Variants in TAF8 observed in about 807,000 individuals in gnomAD.
TAF8 encodes the protein TATA-box binding protein associated factor 8.
Under a neutral mutation model 36.5 loss-of-function variants are expected in TAF8, and 47 were observed. The observed-to-expected ratio is 1.29, with a 90% CI of 1.02 to 1.64. TAF8 has a LOEUF of 1.64. Among genes scored for constraint, TAF8 ranks in the 40% most tolerant of loss-of-function variants. The probability of loss-of-function intolerance (pLI) is 0.00; values close to 1 mark genes in which losing one functional copy is unlikely to be tolerated. For synonymous variants in TAF8, 175 were observed against 159.5 expected (o/e 1.10, Z -0.73); for missense variants, 420 against 407.6 (o/e 1.03, Z -0.26).
chr6:42,071,941 T>C (rs1765594322), intron 7 of TAF8, among the ~76,000 whole-genome samples: 1 of 152,162 alleles, frequency 6.6e-6, no homozygotes, highest in African/African-American at 2.4e-5. Context: ...CTGAGGACTC[T>C]TGAATACCAT....
chr6:42,057,347 G>C (rs1765028893), intron 4 of TAF8, 42 bp from the exon 5 acceptor site: 1 of 1,613,422 alleles, frequency 6.2e-7, no homozygotes. Flanking sequence ...GTAGAAATCA[G>C]GGTCTTGGGT....
In TAF8 at chr6:42,055,583, G is replaced by T; in HGVS notation, c.255G>T (p.Arg85Ser). 6.2e-7 allele frequency: 1 copy of T among 1,614,186 alleles called. No individual in the cohort carries two copies. The highest frequency in any genetic ancestry group is 8.5e-7 in the Non-Finnish European group (1 of 1,180,030). ...SAKSYCEHTA[R>S]TQPTLSDIVV... ...AGTCTTACTGTGAGCACACAGCCAG[G>T]ACCCAGCCCACACTGTCCGATATCG... The change falls in exon 3 of 9, where the codon AGG becomes AGT. Residue 85 changes from arginine (R) to serine (S), a missense_variant. Coordinates refer to ENST00000372977, the MANE Select transcript of TAF8 (RefSeq NM_138572.3).
chr6:42,051,519 TACATGGAA>T lies in TAF8; in HGVS notation c.202+10_202+17del, dbSNP rs897579113. On this transcript the variant is annotated splice_region_variant and intron_variant, in intron 2 of 8. Transcript: ENST00000372977. Reference sequence around the variant, plus strand: ...GACAGAGATGCTGCAGAGCTGTGAGTACATGGAAACACTTGGCCTTGGAGTCAACCCCA... The same window carrying T: ...GACAGAGATGCTGCAGAGCTGTGAGTACACTTGGCCTTGGAGTCAACCCCA... The T allele has an allele frequency of 1.9e-6, 3 of 1,613,058 alleles. No homozygotes were observed. The African/African-American group carries it at 4.0e-5, about 22-fold the overall frequency.
chr6:42,063,534 C>A (rs1037399710), intron 5 of TAF8: 1 of 152,140 alleles, frequency 6.6e-6, no homozygotes, highest in African/African-American at 2.4e-5. Context: ...AAACCTATAA[C>A]CTTTTCTAGC....
intron 5 of TAF8, among the ~76,000 whole-genome samples, chr6:42,060,426 CTT>C (rs758468498): frequency 1.2e-4 from 19 of 152,156 alleles, no homozygotes; most frequent in Non-Finnish European, 2.2e-4. Flanking sequence ...TTCACTTAGA[CTT>C]TTTAAATTGG....
At position 42,078,191 on chromosome 6, in the gene TAF8, G is replaced by A. The variant is rs1765820401; in HGVS notation, c.*646G>A. 6 of 985,652 alleles carry A rather than the reference G, an allele frequency of 6.1e-6. No homozygotes were observed. The highest frequency in any genetic ancestry group is 1.7e-5 in the African/African-American group (1 of 57,240). 61.1% of individuals were successfully genotyped at this position (985,652 alleles called of 1,614,324 possible). A position where few individuals can be genotyped will look rare whatever the true frequency, so the allele number is the denominator to read the frequency against. On this transcript the variant is annotated 3_prime_UTR_variant, in exon 9 of 9. Transcript: ENST00000372977. ...AGGCGTGAGCCACCGCACCCCACCA[G>A]AGACTTTCTTAATCAATCAGGCTAT...
chr6:42,064,251 T>TG (rs1765278877), intron 5 of TAF8, among the ~76,000 whole-genome samples: 1 of 149,834 alleles, frequency 6.7e-6, no homozygotes, highest in African/African-American at 2.4e-5. Flanking sequence ...TGGGAAGTTT[T>TG]GGGGTTTTTT....
In TAF8 at chr6:42,078,223, G is replaced by A; in HGVS notation, c.*678G>A. Reference sequence around the variant, plus strand: ...TCTTAATCAATCAGGCTATGTGGTGGGGCATAGCAGCAGCCAGTGACTTCG... The same window carrying A: ...TCTTAATCAATCAGGCTATGTGGTGAGGCATAGCAGCAGCCAGTGACTTCG... On this transcript the variant is annotated 3_prime_UTR_variant, in exon 9 of 9. Coordinates refer to ENST00000372977, the MANE Select transcript of TAF8 (RefSeq NM_138572.3). The A allele has an allele frequency of 1.0e-6, 1 of 985,474 alleles. No homozygotes were observed. The highest frequency in any genetic ancestry group is 4.7e-5 in the South Asian group (1 of 21,288). 61.0% of individuals were successfully genotyped at this position (985,474 alleles called of 1,614,324 possible). A position where few individuals can be genotyped will look rare whatever the true frequency, so the allele number is the denominator to read the frequency against.
intron 7 of TAF8, among the ~76,000 whole-genome samples, chr6:42,075,056 T>C (rs1485894682): frequency 6.6e-6 from 1 of 152,156 alleles, no homozygotes; most frequent in Non-Finnish European, 1.5e-5. Flanking sequence ...GTTACCTCCA[T>C]GTGTATCTCA....
At chr6:42,057,686 G>A (rs548946009) in intron 5 of TAF8, 173 bp downstream of exon 5, 22 of 792,020 alleles carry the variant, frequency 2.8e-5, no homozygotes, top group African/African-American at 8.9e-5. Flanking sequence ...TTAGGAGGCC[G>A]AGGCAGGAGG....
chr6:42,056,595 G>A (rs1288873170), intron 4 of TAF8, among the ~76,000 whole-genome samples: 1 of 152,036 alleles, frequency 6.6e-6, no homozygotes, highest in Non-Finnish European at 1.5e-5. Context: ...GAGTTAACTG[G>A]ATTTTTTTCT....
In TAF8 at chr6:42,055,393, A is replaced by G; in HGVS notation, c.203-138A>G. The G allele has an allele frequency of 7.8e-6, 5 of 641,150 alleles. No homozygotes were observed. The South Asian group carries it at 9.2e-5, about 12-fold the overall frequency. 39.7% of individuals were successfully genotyped at this position (641,150 alleles called of 1,614,324 possible). On this transcript the variant is annotated intron_variant, in intron 2 of 8. Transcript: ENST00000372977. The stretch of plus-strand genomic sequence containing the variant: ...ATCATGCTGCTGTGAACATTGGTGT[A>G]CTAGTAGCTTTTCGAATCCCTGCTT...
intron 5 of TAF8, among the ~76,000 whole-genome samples, chr6:42,065,759 C>T (rs1013322792): frequency 2.0e-5 from 3 of 152,146 alleles, no homozygotes; most frequent in African/African-American, 7.2e-5. Flanking sequence ...CCAAGACAAT[C>T]TCTACAGTAA....
intron 4 of TAF8, among the ~76,000 whole-genome samples, chr6:42,056,776 T>C (rs1006586761): frequency 6.6e-6 from 1 of 152,134 alleles, no homozygotes; most frequent in African/African-American, 2.4e-5. Context: ...CAGCTAACTT[T>C]TATATTTTTA....
chr6:42,052,664 C>G (rs1344237531), intron 2 of TAF8, among the ~76,000 whole-genome samples: 1 of 152,046 alleles, frequency 6.6e-6, no homozygotes, highest in African/African-American at 2.4e-5. Flanking sequence ...ATTTAGAAGC[C>G]CGGGTGTGGT....
At chr6:42,086,693 G>A (rs1057494549), downstream of TAF8, 7 of 1,551,092 alleles carry the variant, frequency 4.5e-6, no homozygotes, top group South Asian at 5.9e-5. Flanking sequence ...TGAGCAAAGC[G>A]GTTTTTTTCA....
At chr6:42,056,938 T>G (rs1439947843) in intron 4 of TAF8, among the ~76,000 whole-genome samples, 1 of 152,164 alleles carries the variant, frequency 6.6e-6, no homozygotes. Context: ...TTTTTTCTTG[T>G]TGGCATTTTT....
intron 2 of TAF8, among the ~76,000 whole-genome samples, chr6:42,054,510 A>G (rs1764907719): frequency 6.6e-6 from 1 of 152,186 alleles, no homozygotes; most frequent in African/African-American, 2.4e-5. Context: ...TCCCCTGGTA[A>G]CTTCTAATCT....
At chr6:42,067,992 C>T (rs888927872) in intron 6 of TAF8, among the ~76,000 whole-genome samples, 2 of 152,180 alleles carry the variant, frequency 1.3e-5, no homozygotes, top group South Asian at 2.1e-4. Context: ...GCAGAGTGCT[C>T]AAATCCAGCC....
Sources: gnomAD v4.1 joint callset for allele counts (sites outside exome capture counted in the v4.1 genomes callset) on GRCh38, gnomAD v4.1.1 for gene constraint, MANE v1.5 for transcripts, NCBI Gene and HGNC (gene_info 2026-07-23, HGNC 2026-07-21) for gene names.